The following FAM81B variants were observed in gnomAD, a reference collection of about 807,000 sequenced individuals.
FAM81B encodes the protein family with sequence similarity 81 member B.
In FAM81B, 60 loss-of-function variants were observed where a neutral mutation model predicts 58.7. The observed-to-expected ratio is 1.02, with a 90% CI of 0.83 to 1.27. The LOEUF is 1.27. FAM81B is among the 50% of genes most tolerant of loss of function. The pLI is 0.00. For missense variants in FAM81B, 491 were observed against 522.0 expected (o/e 0.94, Z 0.58); for synonymous variants, 189 against 179.6 (o/e 1.05, Z -0.42).
intron 7 of FAM81B, among the ~76,000 whole-genome samples, chr5:95,438,625 T>A (rs541240352): frequency 3.3e-5 from 5 of 152,224 alleles, no homozygotes; most frequent in African/African-American, 1.2e-4. Flanking sequence ...CTTTAAATAA[T>A]GAAGTCTTAA....
intron 5 of FAM81B, chr5:95,424,301 A>G: frequency 9.3e-7 from 1 of 1,073,034 alleles, no homozygotes; most frequent in Non-Finnish European, 1.3e-6. Context: ...TAGATGATAG[A>G]CAGACAGACA....
In FAM81B at chr5:95,421,796, A is replaced by T. The variant is rs74541189; in HGVS notation, c.656+1394A>T. The stretch of plus-strand genomic sequence containing the variant: ...AGAGTAGGGGACAGACAACACAGAC[A>T]TTAGAGAAATAGAATCTACAGGATT... On this transcript the variant is annotated intron_variant, in intron 5 of 9. Coordinates refer to ENST00000283357, the MANE Select transcript of FAM81B (RefSeq NM_152548.3). 6.4e-3 allele frequency among the ~76,000 whole-genome samples: 970 copies of T among 152,330 alleles called. 12 individuals are homozygous for T. Among genetic ancestry groups the T allele is most frequent in the African/African-American group, 0.021 (868 of 41,572 alleles).
chr5:95,449,656 G>A (rs1745720464), intron 9 of FAM81B, among the ~76,000 whole-genome samples: 1 of 152,164 alleles, frequency 6.6e-6, no homozygotes, highest in Non-Finnish European at 1.5e-5. Flanking sequence ...TAGGTCTGTG[G>A]TCAGGAGTGA....
intron 5 of FAM81B, among the ~76,000 whole-genome samples, chr5:95,426,125 T>TATATATATATATATATAC (rs781083080): frequency 2.1e-5 from 2 of 94,304 alleles, no homozygotes; most frequent in African/African-American, 8.6e-5. Context: ...TATATATATG[T>TATATATATATATATATAC]ACACATATAT....
chr5:95,438,062 C>A (rs1745175282), intron 7 of FAM81B, among the ~76,000 whole-genome samples: 2 of 152,134 alleles, frequency 1.3e-5, no homozygotes, highest in Admixed American at 1.3e-4. Flanking sequence ...TAAACCGTAG[C>A]ATATCATCAT....
intron 7 of FAM81B, among the ~76,000 whole-genome samples, chr5:95,446,346 T>G (rs939135356): frequency 2.0e-5 from 3 of 152,142 alleles, no homozygotes; most frequent in Non-Finnish European, 4.4e-5. Flanking sequence ...TTTTAGGGTA[T>G]GTAGAGGGGG....
At chr5:95,448,663 G>A (rs968790748) in intron 9 of FAM81B, 199 bp downstream of exon 9, 3 of 619,252 alleles carry the variant, frequency 4.8e-6, no homozygotes, top group African/African-American at 1.9e-5. Context: ...TTCTTCACTT[G>A]GCAATGTCAC....
At chr5:95,425,755 T>C (rs1443958321) in intron 5 of FAM81B, among the ~76,000 whole-genome samples, 1 of 152,162 alleles carries the variant, frequency 6.6e-6, no homozygotes, top group Non-Finnish European at 1.5e-5. Context: ...CATTTTAAAA[T>C]TAGCAAATTT....
intron 5 of FAM81B, among the ~76,000 whole-genome samples, chr5:95,426,446 C>T (rs1762832498): frequency 1.3e-5 from 2 of 152,090 alleles, no homozygotes; most frequent in African/African-American, 4.8e-5. Flanking sequence ...GGCGGCAACT[C>T]TCAAGTTGAG....
rs1761959953 is a variant in FAM81B, at chr5:95,396,119, A to G, written c.237A>G (p.Leu79=). The G allele has an allele frequency of 6.2e-7, 1 of 1,608,922 alleles. No homozygotes were observed. The part of the protein sequence containing the change: ...SDNNQEKKVR[L]SPAKMSTKNS... ...TGTAACCTTTGTTTTAGGTAAGATT[A>G]TCTCCAGCCAAAATGTCAACCAAGA... is the stretch of plus-strand genomic sequence containing the variant. The change falls in exon 3 of 10, where the codon TTA becomes TTG. Residue 79 remains leucine (L), a synonymous_variant. Transcript: ENST00000283357.
At chr5:95,409,044 A>G (rs1762339541) in intron 3 of FAM81B, among the ~76,000 whole-genome samples, 1 of 152,276 alleles carries the variant, frequency 6.6e-6, no homozygotes, top group Admixed American at 6.5e-5. Context: ...ATCTTTAAAA[A>G]GAATGTAAAA....
intron 4 of FAM81B, among the ~76,000 whole-genome samples, chr5:95,418,123 A>G (rs1345419060): frequency 6.6e-6 from 1 of 152,176 alleles, no homozygotes; most frequent in Non-Finnish European, 1.5e-5. Context: ...AATTTTGCAC[A>G]TCCTGTTTCA....
At chr5:95,423,479 C>T (rs1762740089) in intron 5 of FAM81B, among the ~76,000 whole-genome samples, 1 of 150,200 alleles carries the variant, frequency 6.7e-6, no homozygotes, top group Non-Finnish European at 1.5e-5. Context: ...AATCCGTAGC[C>T]GCAGTCAGAG....
chr5:95,392,681 C>T (rs775224417), intron 1 of FAM81B, 113 bp from the exon 2 acceptor site: 36 of 803,988 alleles, frequency 4.5e-5, no homozygotes, highest in Non-Finnish European at 6.2e-5. Context: ...GAAAGCCTCC[C>T]TTTAAGCCAA....
chr5:95,409,012 A>G (rs768340538), intron 3 of FAM81B, among the ~76,000 whole-genome samples: 10 of 152,234 alleles, frequency 6.6e-5, no homozygotes, highest in Non-Finnish European at 8.8e-5. Flanking sequence ...AGTGTATAAT[A>G]CACACTGGAC....
rs1420267087 is a variant in FAM81B, at chr5:95,448,268, G to T, written c.1030-1G>T. ...GTTTTATCCCATAATCTCTTTTACA[G>T]GAAAAGTCTGAAAATAAAATGGAAG... On this transcript the variant is annotated splice_acceptor_variant, in intron 8 of 9. Coordinates refer to ENST00000283357, the MANE Select transcript of FAM81B (RefSeq NM_152548.3). LOFTEE classifies it high-confidence loss of function. 6.3e-7 allele frequency: 1 copy of T among 1,597,926 alleles called. No homozygotes were observed. The highest frequency in any genetic ancestry group is 1.2e-5 in the South Asian group (1 of 86,512).
intron 7 of FAM81B, chr5:95,440,190 G>A: frequency 1.6e-6 from 1 of 619,474 alleles, no homozygotes; most frequent in Non-Finnish European, 3.1e-6. Flanking sequence ...CAAGATTCAA[G>A]ATCAACAAGA....
chr5:95,432,548 A>G (rs890937930), intron 6 of FAM81B, among the ~76,000 whole-genome samples: 3 of 151,864 alleles, frequency 2.0e-5, no homozygotes, highest in African/African-American at 7.3e-5. Context: ...TTCATTTTTT[A>G]TATTTATTTT....
intron 3 of FAM81B, among the ~76,000 whole-genome samples, chr5:95,400,573 A>G (rs1418419477): frequency 6.6e-6 from 1 of 152,208 alleles, no homozygotes; most frequent in African/African-American, 2.4e-5. Context: ...ATAAGGTCAC[A>G]TACTGAGGTA....
Sources: allele counts gnomAD v4.1 joint callset (sites outside exome capture counted in the v4.1 genomes callset), GRCh38; gene constraint gnomAD v4.1.1; transcripts MANE v1.5; gene names NCBI Gene and HGNC (gene_info 2026-07-23, HGNC 2026-07-21).